Variants in JAKMIP3 observed in about 807,000 individuals in gnomAD.
The protein encoded by JAKMIP3 is Janus kinase and microtubule interacting protein 3.
In JAKMIP3, 58 loss-of-function variants were observed where a neutral mutation model predicts 118.5. The ratio of observed to expected loss-of-function variants is 0.49; its 90% CI spans 0.40 to 0.61. The LOEUF (loss-of-function observed/expected upper bound fraction) is 0.61, where lower values mean the gene tolerates loss of function less well. Among genes scored for constraint, JAKMIP3 ranks in the 20% least tolerant of loss-of-function variants. The pLI is 0.00. For synonymous variants in JAKMIP3, 486 were observed against 451.2 expected, an observed-to-expected ratio of 1.08 and a Z score of -0.98; for missense variants, 950 against 1,109.0, an observed-to-expected ratio of 0.86 and a Z score of 2.04.
chr10:132,163,295 G>C lies in JAKMIP3; in HGVS notation c.2307G>C (p.Glu769Asp). The C allele has an allele frequency of 6.2e-7, 1 of 1,603,504 alleles. No homozygotes were observed. The highest frequency in any genetic ancestry group is 8.5e-7 in the Non-Finnish European group (1 of 1,176,294). The change falls in exon 20 of 24, where the codon GAG (glutamate) becomes GAC (aspartate). Residue 769 changes from glutamate (E) to aspartate (D), a missense_variant. By Grantham distance (45) the Glu-to-Asp change is conservative (BLOSUM62 2). Coordinates refer to ENST00000684848, the MANE Select transcript of JAKMIP3 (RefSeq NM_001323087.2). ...TGGCTGAGCTGCTGTCAGAGGAGGA[G>C]CGCGAGAAGCTCAAGGTGGCCGTGG... is the stretch of plus-strand genomic sequence containing the variant. ...AKVAELLSEE[E>D]REKLKVAVEQ...
chr10:132,138,058 T>C (rs2052225634), intron 8 of JAKMIP3, 61 bp from the exon 9 acceptor site: 4 of 1,493,682 alleles, frequency 2.7e-6, no homozygotes, highest in Non-Finnish European at 2.8e-6. Flanking sequence ...CAGTAAACCG[T>C]GGACTGAAAC....
intron 3 of JAKMIP3, among the ~76,000 whole-genome samples, chr10:132,130,525 C>T (rs955431040): frequency 6.6e-6 from 1 of 152,224 alleles, no homozygotes; most frequent in African/African-American, 2.4e-5. Context: ...TGAGTGACGC[C>T]TGCCAGACGT....
chr10:132,157,950 GAAAA>G (rs1040681334), intron 19 of JAKMIP3, among the ~76,000 whole-genome samples: 6 of 146,632 alleles, frequency 4.1e-5, no homozygotes, highest in African/African-American at 1.2e-4. Context: ...ACTTCGTACA[GAAAA>G]AAAAAAGAGA....
rs1034482838 is a variant in JAKMIP3 at position 132,178,208 on chromosome 10, C to T, written c.*1104-4149C>T. ...TGAGGACTGTCCCAGGATGGGAGGA[C>T]CATTCCAGCATCCGTGTGAGCCACA... On this transcript the variant is annotated intron_variant, in intron 23 of 23. Coordinates refer to ENST00000684848, the MANE Select transcript of JAKMIP3 (RefSeq NM_001323087.2). Among the ~76,000 whole-genome samples the T allele has an allele frequency of 9.2e-5, 14 of 152,260 alleles. 1 individual carries two copies. The highest frequency in any genetic ancestry group is 2.7e-4 in the African/African-American group (11 of 41,480).
chr10:132,121,927 G>A (rs2048602939), intron 3 of JAKMIP3, among the ~76,000 whole-genome samples: 1 of 152,142 alleles, frequency 6.6e-6, no homozygotes, highest in African/African-American at 2.4e-5. Context: ...TGGGTGTTCA[G>A]CACACACTCA....
At chr10:132,048,727 C>T (rs577619822) in intron 1 of JAKMIP3, among the ~76,000 whole-genome samples, 2 of 148,644 alleles carry the variant, frequency 1.3e-5, no homozygotes, top group Non-Finnish European at 3.0e-5. Context: ...TGCTCCGCCT[C>T]CCGGGTTCAC....
At chr10:132,081,978 A>G (rs1159395836) in intron 1 of JAKMIP3, among the ~76,000 whole-genome samples, 1 of 150,114 alleles carries the variant, frequency 6.7e-6, no homozygotes, top group Non-Finnish European at 1.5e-5. Flanking sequence ...CTGCCTACGA[A>G]TTCTGTCATC....
Position 132,145,092 on chromosome 10 carries a change from C to T in JAKMIP3, c.1603-15C>T, listed in dbSNP as rs1332622749. The T allele has an allele frequency of 1.9e-6, 3 of 1,607,970 alleles. No individual in the cohort carries two copies. Among genetic ancestry groups the T allele is most frequent in the South Asian group, 1.1e-5 (1 of 90,120 alleles). On this transcript the variant is annotated splice_polypyrimidine_tract_variant and intron_variant, in intron 11 of 23. Coordinates refer to ENST00000684848, the MANE Select transcript of JAKMIP3 (RefSeq NM_001323087.2). ...TTTAGAGAAAATTTGATGTATCTTT[C>T]CTCCCGTCCTACAGACCCGTGAGCA...
At chr10:132,073,183 T>C (rs889580604) in intron 1 of JAKMIP3, among the ~76,000 whole-genome samples, 1 of 152,168 alleles carries the variant, frequency 6.6e-6, no homozygotes, top group African/African-American at 2.4e-5. Flanking sequence ...GATCTTCTTT[T>C]CTTTTCTTTT....
chr10:132,147,598 G>C (rs764051142), intron 13 of JAKMIP3, among the ~76,000 whole-genome samples: 3 of 152,158 alleles, frequency 2.0e-5, no homozygotes, highest in African/African-American at 7.2e-5. Context: ...TAAGGCCCCC[G>C]TGCTCCTGGC....
In JAKMIP3 at chr10:132,049,181, T is replaced by C. The variant is rs998148469; in HGVS notation, c.-138+12443T>C. ...TCTCAAAGTTGGTGGTCTGGGTTGATTTTCTAGCGGCTGGCGAGCTCTTTG... is the reference window on the plus strand; with the variant it reads ...TCTCAAAGTTGGTGGTCTGGGTTGACTTTCTAGCGGCTGGCGAGCTCTTTG... On this transcript the variant is annotated intron_variant, in intron 1 of 23. Transcript: ENST00000657785. The surrounding 1 kb of genome is among the most constrained non-coding windows in gnomAD (Gnocchi z 4.3). 1.3e-5 allele frequency among the ~76,000 whole-genome samples: 2 copies of C among 152,124 alleles called. No homozygotes were observed. Among genetic ancestry groups the C allele is most frequent in the African/African-American group, 4.8e-5 (2 of 41,416 alleles).
chr10:132,076,587 C>T (rs2040820367), intron 1 of JAKMIP3, among the ~76,000 whole-genome samples: 1 of 149,694 alleles, frequency 6.7e-6, no homozygotes, highest in South Asian at 2.1e-4. Flanking sequence ...GCCTGTGGGG[C>T]CCCAGGTCTG....
Position 132,118,367 on chromosome 10 carries a change from C to G in JAKMIP3, c.633+793C>G, listed in dbSNP as rs575779939. Among the ~76,000 whole-genome samples the G allele has an allele frequency of 6.6e-6, 1 of 152,306 alleles. No homozygotes were observed. The highest frequency in any genetic ancestry group is 2.1e-4 in the South Asian group (1 of 4,826). On this transcript the variant is annotated intron_variant, in intron 3 of 23. Coordinates refer to ENST00000684848, the MANE Select transcript of JAKMIP3 (RefSeq NM_001323087.2). This position sits in a 1 kb window ranked among gnomAD's most constrained non-coding sequence, Gnocchi z 4.8. Reference sequence around the variant, plus strand: ...CTTGTCCTTTGGAGAGGAGACTGTCCTGTGATTTTGGGGGAAATGGAGCTC... The same window carrying G: ...CTTGTCCTTTGGAGAGGAGACTGTCGTGTGATTTTGGGGGAAATGGAGCTC...
At chr10:132,161,454 T>C (rs1479461309) in intron 19 of JAKMIP3, among the ~76,000 whole-genome samples, 2 of 59,732 alleles carry the variant, frequency 3.3e-5, no homozygotes, top group Non-Finnish European at 3.0e-5. Context: ...AGCCTCTTCC[T>C]GTGTGATGCA....
At chr10:132,074,171 A>C (rs1292298553) in intron 1 of JAKMIP3, among the ~76,000 whole-genome samples, 1 of 151,622 alleles carries the variant, frequency 6.6e-6, no homozygotes, top group African/African-American at 2.4e-5. Context: ...GCTGCCTCAG[A>C]CTCCTGAATA....
chr10:132,103,435 C>G (rs868657471), intron 1 of JAKMIP3, among the ~76,000 whole-genome samples: 8 of 64,958 alleles, frequency 1.2e-4, no homozygotes, highest in African/African-American at 5.7e-4. Flanking sequence ...GGGAGGAGCA[C>G]CTGGGGGAGA....
chr10:132,171,192 A>T (rs1169504533), intron 23 of JAKMIP3, among the ~76,000 whole-genome samples: 1 of 152,214 alleles, frequency 6.6e-6, no homozygotes, highest in Non-Finnish European at 1.5e-5. Context: ...CTCTGAAGCG[A>T]GGCGGCTGTC....
chr10:132,048,151 C>A (rs1426331805), intron 1 of JAKMIP3, among the ~76,000 whole-genome samples: 3 of 152,222 alleles, frequency 2.0e-5, no homozygotes, highest in Admixed American at 6.5e-5. Flanking sequence ...ATGTTGAGGG[C>A]GATGTTGCTG....
intron 3 of JAKMIP3, among the ~76,000 whole-genome samples, chr10:132,127,038 A>C (rs2049702996): frequency 6.6e-6 from 1 of 152,154 alleles, no homozygotes; most frequent in Admixed American, 6.5e-5. Flanking sequence ...GTGTTTGGAA[A>C]ATTCACCAGT....
Sources: gnomAD v4.1 joint callset for allele counts (sites outside exome capture counted in the v4.1 genomes callset) on GRCh38, gnomAD v4.1.1 for gene constraint, Gnocchi (gnomAD v3.1) non-coding constraint, MANE v1.5 for transcripts, NCBI Gene and HGNC (gene_info 2026-07-23, HGNC 2026-07-21) for gene names.